GALNT17: variants seen among roughly 807,000 people sequenced by gnomAD.
GALNT17 encodes the protein polypeptide N-acetylgalactosaminyltransferase 17, also known as UDP-GalNAc:polypeptide N-acetylgalactosaminyltransferase-like 3.
A neutral mutation model predicts 63.7 loss-of-function variants in GALNT17; 29 were observed. That is an observed-to-expected ratio of 0.46 (90% CI 0.34 to 0.62). GALNT17 has a LOEUF of 0.62. GALNT17 is among the 20% of genes least tolerant of loss of function. GALNT17 has a pLI of 0.01. For synonymous variants in GALNT17, 305 were observed against 318.3 expected (o/e 0.96, Z 0.45); for missense variants, 603 against 799.6 (o/e 0.75, Z 2.97).
At chr7:71,143,274 T>A (rs1462796928) in intron 1 of GALNT17, among the ~76,000 whole-genome samples, 1 of 151,500 alleles carries the variant, frequency 6.6e-6, no homozygotes. Context: ...GTACAAAAAT[T>A]AGCCGGGTGT....
At chr7:71,552,823 G>A (rs1006292092) in intron 5 of GALNT17, among the ~76,000 whole-genome samples, 2 of 152,090 alleles carry the variant, frequency 1.3e-5, no homozygotes, top group Admixed American at 1.3e-4. Context: ...ATTATTAGTG[G>A]GCACTGAAAC....
intron 9 of GALNT17, among the ~76,000 whole-genome samples, chr7:71,700,005 T>G (rs1000305698): frequency 6.6e-6 from 1 of 151,586 alleles, no homozygotes; most frequent in East Asian, 1.9e-4. Flanking sequence ...GATAGAATAA[T>G]TATTGGCCAG....
intron 6 of GALNT17, among the ~76,000 whole-genome samples, chr7:71,651,469 A>AT (rs1790754149): frequency 6.6e-6 from 1 of 151,842 alleles, no homozygotes; most frequent in African/African-American, 2.4e-5. Flanking sequence ...CACCCAGCTA[A>AT]TTTTTTGTAT....
intron 5 of GALNT17, among the ~76,000 whole-genome samples, chr7:71,481,398 G>A (rs74438905): frequency 0.13 from 20,394 of 152,048 alleles, 1,988 homozygotes; most frequent in East Asian, 0.54. Flanking sequence ...TGCAGTGAGC[G>A]GAGATCGCAC....
chr7:71,466,785 C>T (rs767294268), intron 5 of GALNT17, among the ~76,000 whole-genome samples: 15 of 152,182 alleles, frequency 9.9e-5, no homozygotes, highest in Admixed American at 9.2e-4. Flanking sequence ...AAGAAATCTA[C>T]GAATCCATCT....
At chr7:71,572,561 G>A (rs1469494987) in intron 6 of GALNT17, among the ~76,000 whole-genome samples, 1 of 143,674 alleles carries the variant, frequency 7.0e-6, no homozygotes. Context: ...GGTGATGTTT[G>A]GATATACATA....
At chr7:71,176,111 G>T (rs1278357475) in intron 1 of GALNT17, among the ~76,000 whole-genome samples, 1 of 152,062 alleles carries the variant, frequency 6.6e-6, no homozygotes, top group Non-Finnish European at 1.5e-5. Flanking sequence ...GCCTCGACAT[G>T]TGGCCTGGGA....
intron 1 of GALNT17, among the ~76,000 whole-genome samples, chr7:71,272,403 C>G (rs888524039): frequency 6.6e-6 from 1 of 152,182 alleles, no homozygotes; most frequent in African/African-American, 2.4e-5. Context: ...AAAACGCCAG[C>G]CTGTTTTCCA....
At chr7:71,435,745 C>A (rs1563090929) in intron 5 of GALNT17, among the ~76,000 whole-genome samples, 1 of 152,080 alleles carries the variant, frequency 6.6e-6, no homozygotes, top group Non-Finnish European at 1.5e-5. Context: ...CCCAGCCAGG[C>A]GCAATGGCTC....
intron 1 of GALNT17, among the ~76,000 whole-genome samples, chr7:71,259,178 A>G (rs1200955285): frequency 6.6e-6 from 1 of 152,124 alleles, no homozygotes; most frequent in Non-Finnish European, 1.5e-5. Flanking sequence ...CTAAATCTGA[A>G]TGTCTAGAGA....
chr7:71,197,696 A>G (rs1789080878), intron 1 of GALNT17, among the ~76,000 whole-genome samples: 1 of 152,094 alleles, frequency 6.6e-6, no homozygotes, highest in South Asian at 2.1e-4. Flanking sequence ...AGAGTCAGCA[A>G]TGATTATCTT....
In GALNT17 at chr7:71,448,717, A is replaced by AAT. The variant is rs550924519; in HGVS notation, c.962+27614_962+27615dup. 4.6e-5 allele frequency among the ~76,000 whole-genome samples: 7 copies of AAT among 152,336 alleles called. No homozygotes were observed. The South Asian group carries it at 1.4e-3, about 32-fold the overall frequency. On this transcript the variant is annotated intron_variant, in intron 5 of 10. Transcript: ENST00000333538. Reference sequence around the variant, plus strand: ...TTGCAAACATAATGTTGAATCAGAGAATACAGGCGCAAAAGGATGCATTAC... The same window carrying AAT: ...TTGCAAACATAATGTTGAATCAGAGAATATACAGGCGCAAAAGGATGCATTAC...
chr7:71,406,286 G>T (rs2116403206), intron 3 of GALNT17, among the ~76,000 whole-genome samples: 1 of 152,250 alleles, frequency 6.6e-6, no homozygotes, highest in East Asian at 1.9e-4. Context: ...TCCCCAGTTG[G>T]TATTCTCACT....
At chr7:71,708,344 G>T (rs1344501170) in intron 9 of GALNT17, among the ~76,000 whole-genome samples, 1 of 152,148 alleles carries the variant, frequency 6.6e-6, no homozygotes, top group African/African-American at 2.4e-5. Context: ...AGGGAAGAGA[G>T]CATGTGCAGG....
At chr7:71,427,385 C>G (rs1350327930) in intron 5 of GALNT17, among the ~76,000 whole-genome samples, 2 of 151,998 alleles carry the variant, frequency 1.3e-5, no homozygotes, top group Non-Finnish European at 1.5e-5. Flanking sequence ...TGTGAGCCAC[C>G]ACCACGCCTG....
chr7:71,282,827 G>A (rs1409668358), intron 1 of GALNT17, among the ~76,000 whole-genome samples: 3 of 152,008 alleles, frequency 2.0e-5, no homozygotes, highest in Non-Finnish European at 2.9e-5. Flanking sequence ...AGGTCTCAGA[G>A]GCTACCTGGA....
At chr7:71,177,032 G>A (rs556034959) in intron 1 of GALNT17, among the ~76,000 whole-genome samples, 90 of 152,298 alleles carry the variant, frequency 5.9e-4, no homozygotes, top group African/African-American at 2.1e-3. Flanking sequence ...AGCAGGGGCA[G>A]ATGTAATATG....
chr7:71,271,181 A>C (rs1237233928), intron 1 of GALNT17, among the ~76,000 whole-genome samples: 1 of 152,242 alleles, frequency 6.6e-6, no homozygotes, highest in Non-Finnish European at 1.5e-5. Flanking sequence ...ATTTGCTTTC[A>C]ATACTTCCTG....
chr7:71,149,054 C>G (rs1180255563), intron 1 of GALNT17, among the ~76,000 whole-genome samples: 1 of 151,680 alleles, frequency 6.6e-6, no homozygotes, highest in African/African-American at 2.4e-5. Context: ...GGCTGGAACT[C>G]CAGGTACGTG....
Sources: gnomAD v4.1 joint callset for allele counts (sites outside exome capture counted in the v4.1 genomes callset) on GRCh38, gnomAD v4.1.1 for gene constraint, MANE v1.5 for transcripts, NCBI Gene and HGNC (gene_info 2026-07-23, HGNC 2026-07-21) for gene names.